Variants in GGH observed in about 807,000 individuals in gnomAD.
GGH encodes gamma-glutamyl hydrolase, also known as gamma-Glu-X carboxypeptidase.
GGH carries 18 observed loss-of-function variants against 39.2 expected under a neutral mutation model. The ratio of observed to expected loss-of-function variants is 0.46; its 90% confidence interval spans 0.32 to 0.68. The LOEUF is 0.68. GGH is among the 30% of genes least tolerant of loss of function. The pLI is 0.04. For synonymous variants in GGH, 147 were observed against 138.8 expected, an observed-to-expected ratio of 1.06 and a Z score of -0.42; for missense variants, 367 against 384.1, an observed-to-expected ratio of 0.96 and a Z score of 0.37.
intron 1 of GGH, 38 bp downstream of exon 1, chr8:63,038,622 T>C (rs891203369): frequency 1.1e-5 from 10 of 949,112 alleles, no homozygotes; most frequent in Non-Finnish European, 4.4e-6. Context: ...AACACCCAGC[T>C]CCTCCCCGTC....
chr8:63,015,280 C>T lies in GGH; in HGVS notation c.*52G>A. On this transcript the variant is annotated 3_prime_UTR_variant, in exon 9 of 9. Transcript: ENST00000260118. ...TGCCATGAGTAGCAAGTTATTCTAA[C>T]AGTTTAATCATGGAATTATTCAAAT... The T allele has an allele frequency of 1.1e-6, 1 of 951,298 alleles. No individual in the cohort carries two copies. The highest frequency in any genetic ancestry group is 2.5e-5 in the East Asian group (1 of 39,888). The allele number at this position is 951,298 out of a possible 1,614,324, so 58.9% of individuals were successfully genotyped here.
chr8:63,023,759 T>C (rs560656418), intron 7 of GGH, 148 bp downstream of exon 7: 2 of 483,038 alleles, frequency 4.1e-6, no homozygotes, highest in South Asian at 7.8e-5. Context: ...ATTTGAAACA[T>C]GGACAAAACA....
chr8:63,016,279 C>A (rs1263310152), intron 8 of GGH, among the ~76,000 whole-genome samples: 1 of 152,122 alleles, frequency 6.6e-6, no homozygotes, highest in African/African-American at 2.4e-5. Context: ...TCCACGCACT[C>A]ATGAAAATGT....
At chr8:63,033,853 A>G (rs1804849502) in intron 2 of GGH, among the ~76,000 whole-genome samples, 1 of 151,758 alleles carries the variant, frequency 6.6e-6, no homozygotes, top group African/African-American at 2.4e-5. Flanking sequence ...GCTCCCACTT[A>G]TAAGTGAGAA....
chr8:63,016,779 G>A (rs895972764), intron 8 of GGH, among the ~76,000 whole-genome samples: 3 of 152,096 alleles, frequency 2.0e-5, no homozygotes, highest in South Asian at 4.1e-4. Context: ...CCAAATTCTC[G>A]ATTTTTCCCA....
At chr8:63,037,104 C>T (rs182193072) in intron 1 of GGH, among the ~76,000 whole-genome samples, 38 of 152,324 alleles carry the variant, frequency 2.5e-4, no homozygotes, top group African/African-American at 8.7e-4. Flanking sequence ...ATAGGAAGAG[C>T]TGTTGTCTGT....
At chr8:63,015,778 T>C (rs971003177) in intron 8 of GGH, among the ~76,000 whole-genome samples, 1 of 152,114 alleles carries the variant, frequency 6.6e-6, no homozygotes, top group Non-Finnish European at 1.5e-5. Flanking sequence ...GTACTCCCCC[T>C]GCAGCATATC....
intron 8 of GGH, chr8:63,017,200 A>G (rs1804501509): frequency 3.7e-6 from 1 of 272,804 alleles, no homozygotes; most frequent in Non-Finnish European, 6.8e-6. Context: ...AAAAACAAAT[A>G]ACAAAGAAAA....
rs145315481 is a variant in GGH at position 63,015,450 on chromosome 8, C to T, written c.839G>A (p.Arg280Gln). Residue 280 changes from arginine to glutamine, a missense_variant, in exon 9 of 9, where the codon CGG becomes CAG. Coordinates refer to ENST00000260118, the MANE Select transcript of GGH (RefSeq NM_003878.3). ...AGATTTAAAATGATGGTTGTTTTTC[C>T]GAGCTGCAAGAAAAAAAGTTAATTT... Reference protein sequence around the residue: ...YLAEFFVNEARKNNHHFKSES... With the variant: ...YLAEFFVNEAQKNNHHFKSES... 19 of 1,536,772 alleles carry T rather than the reference C, an allele frequency of 1.2e-5. No individual in the cohort carries two copies. The highest frequency in any genetic ancestry group is 9.2e-5 in the East Asian group (4 of 43,512).
intron 2 of GGH, among the ~76,000 whole-genome samples, chr8:63,034,243 T>C (rs1428802529): frequency 6.6e-6 from 1 of 151,714 alleles, no homozygotes; most frequent in Non-Finnish European, 1.5e-5. Flanking sequence ...GCTACTAAAA[T>C]ATTAAAGACT....
chr8:63,032,224 A>AGGG (rs1804820024), intron 2 of GGH, among the ~76,000 whole-genome samples: 1 of 151,932 alleles, frequency 6.6e-6, no homozygotes, highest in Non-Finnish European at 1.5e-5. Flanking sequence ...TTTTATAGAT[A>AGGG]GGGGTTTTTC....
intron 7 of GGH, among the ~76,000 whole-genome samples, chr8:63,019,358 T>G (rs930445612): frequency 6.6e-6 from 1 of 152,200 alleles, no homozygotes; most frequent in Non-Finnish European, 1.5e-5. Context: ...TTGAGCAAAC[T>G]TTCCATTCGA....
At chr8:63,019,614 T>A (rs1025185708) in intron 7 of GGH, among the ~76,000 whole-genome samples, 2 of 152,244 alleles carry the variant, frequency 1.3e-5, no homozygotes, top group East Asian at 3.8e-4. Context: ...TTTTTTTGGA[T>A]GCTCCAAGGC....
intron 7 of GGH, among the ~76,000 whole-genome samples, chr8:63,021,586 A>T (rs1465430305): frequency 6.6e-6 from 1 of 151,894 alleles, no homozygotes; most frequent in Non-Finnish European, 1.5e-5. Context: ...ATCAGAAATT[A>T]CACTGAGCAA....
chr8:63,033,691 T>C (rs1462168893), intron 2 of GGH, among the ~76,000 whole-genome samples: 1 of 152,122 alleles, frequency 6.6e-6, no homozygotes, highest in African/African-American at 2.4e-5. Context: ...GTATATTGTG[T>C]GATGCTGAGG....
In GGH at chr8:63,038,794, T is replaced by C. The variant is rs1298875998; in HGVS notation, c.-26A>G. 7.1e-7 allele frequency: 1 copy of C among 1,409,508 alleles called. No homozygotes were observed. Among genetic ancestry groups the C allele is most frequent in the Non-Finnish European group, 9.5e-7 (1 of 1,049,994 alleles). The allele number at this position is 1,409,508 out of a possible 1,614,324, so 87.3% of individuals were successfully genotyped here. ...GGCGCTCGCCGCCTCCCGCCGCCTT[T>C]CAAAAGCTCTGCGGGCGGGCGGGGG... On this transcript the variant is annotated 5_prime_UTR_variant, in exon 1 of 9. Transcript: ENST00000260118.
In GGH at chr8:63,038,724, G is replaced by C. The variant is rs201836906; in HGVS notation, c.45C>G (p.Leu15=). 6.3e-7 allele frequency: 1 copy of C among 1,585,576 alleles called. No homozygotes were observed. The highest frequency in any genetic ancestry group is 2.3e-5 in the East Asian group (1 of 43,276). The change falls in exon 1 of 9, where the codon CTC becomes CTG. Residue 15 remains leucine (L), a synonymous_variant. Coordinates refer to ENST00000260118, the MANE Select transcript of GGH (RefSeq NM_003878.3). The part of the protein sequence containing the change: ...GCLLCVLGLL[L]CGAASLELSR... The stretch of plus-strand genomic sequence containing the variant: ...ACAGCTCGAGGCTCGCCGCCCCGCA[G>C]AGTAGCAGGCCCAGCACGCACAGCA...
intron 5 of GGH, chr8:63,024,998 C>T (rs982472709): frequency 6.6e-6 from 1 of 152,216 alleles, no homozygotes. Flanking sequence ...TTAAGTATGA[C>T]TGCTACCTTC....
chr8:63,038,520 G>A (rs1347116785), intron 1 of GGH, 140 bp downstream of exon 1: 2 of 455,528 alleles, frequency 4.4e-6, no homozygotes, highest in Admixed American at 7.8e-5. Context: ...CCCAGCCCGG[G>A]TTCCTCCTTG....
Sources: gnomAD v4.1 joint callset for allele counts (sites outside exome capture counted in the v4.1 genomes callset) on GRCh38, gnomAD v4.1.1 for gene constraint, MANE v1.5 for transcripts, NCBI Gene and HGNC (gene_info 2026-07-23, HGNC 2026-07-21) for gene names.